The following CMBL variants were observed in gnomAD, a reference collection of about 807,000 sequenced individuals.
CMBL encodes the protein carboxymethylenebutenolidase homolog.
CMBL carries 17 observed loss-of-function variants against 28.7 expected under a neutral mutation model. The observed-to-expected ratio is 0.59, with a 90% CI of 0.41 to 0.89. The LOEUF (loss-of-function observed/expected upper bound fraction) is 0.89. CMBL is among the 40% of genes least tolerant of loss of function. The pLI, the probability that CMBL is intolerant of heterozygous loss-of-function variation, is 0.00. For missense variants in CMBL, 310 were observed against 298.5 expected (o/e 1.04, Z -0.28); for synonymous variants, 106 against 101.6 (o/e 1.04, Z -0.26).
rs1052504861 is a variant in CMBL at position 10,295,114 on chromosome 5, G to A, written c.-19-4333C>T. On this transcript the variant is annotated intron_variant, in intron 1 of 5. Transcript: ENST00000296658. ...TTTTTTTTTTTTGAGACAGAGACTC[G>A]CTCTGGTTGCCCAGGCTGGAGCGTA... Among the ~76,000 whole-genome samples, 151 of 149,504 alleles carry A rather than the reference G, an allele frequency of 1.0e-3. 1 individual carries two copies. The highest frequency in any genetic ancestry group is 1.9e-3 in the Non-Finnish European group (126 of 67,688).
chr5:10,295,844 TCA>T (rs1037322006), intron 1 of CMBL, among the ~76,000 whole-genome samples: 19 of 152,256 alleles, frequency 1.2e-4, no homozygotes, highest in Admixed American at 5.2e-4. Flanking sequence ...ATTTGAGCTC[TCA>T]CAGTGTAAAC....
chr5:10,297,184 CA>C (rs34069848), intron 1 of CMBL, among the ~76,000 whole-genome samples: 89,256 of 140,904 alleles, frequency 0.63, 28,388 homozygotes, highest in Non-Finnish European at 0.71. Flanking sequence ...GACTCCATCT[CA>C]AAAAAAAAAA....
intron 1 of CMBL, among the ~76,000 whole-genome samples, chr5:10,293,626 A>G (rs999212242): frequency 6.6e-6 from 1 of 152,264 alleles, no homozygotes; most frequent in Non-Finnish European, 1.5e-5. Flanking sequence ...TTAATTTACC[A>G]AACAACAAAA....
chr5:10,307,423 G>C (rs916318954), intron 1 of CMBL: 1 of 152,224 alleles, frequency 6.6e-6, no homozygotes, highest in Admixed American at 6.5e-5. Flanking sequence ...TGCTTCGGAC[G>C]CATGGGATCG....
intron 5 of CMBL, among the ~76,000 whole-genome samples, 162 bp from the exon 6 acceptor site, chr5:10,280,794 G>A (rs942186363): frequency 6.6e-6 from 1 of 152,060 alleles, no homozygotes. Flanking sequence ...TTTCTTTTTA[G>A]ACAGGGTCTC....
chr5:10,294,487 C>CT (rs1453800116), intron 1 of CMBL, among the ~76,000 whole-genome samples: 2 of 151,870 alleles, frequency 1.3e-5, no homozygotes, highest in Middle Eastern at 3.2e-3. Context: ...TCCCTTGAGC[C>CT]TGGGAGGTCG....
At chr5:10,300,791 CATTTTT>C (rs1226296311) in intron 1 of CMBL, among the ~76,000 whole-genome samples, 5 of 149,794 alleles carry the variant, frequency 3.3e-5, no homozygotes, top group African/African-American at 7.3e-5. Flanking sequence ...CAAAGAGAGA[CATTTTT>C]ATTTTTATTT....
intron 5 of CMBL, among the ~76,000 whole-genome samples, chr5:10,281,585 C>G (rs1444584766): frequency 2.6e-5 from 4 of 152,168 alleles, no homozygotes; most frequent in South Asian, 2.1e-4. Context: ...TTTAATAAAT[C>G]CTTGTCTTTA....
At chr5:10,285,670 GTCTT>G (rs1464722635) in intron 4 of CMBL, among the ~76,000 whole-genome samples, 7 of 83,426 alleles carry the variant, frequency 8.4e-5, no homozygotes, top group East Asian at 6.2e-4. Flanking sequence ...GGAAAAATCA[GTCTT>G]TCTTTCTTTC....
rs185147918 is a variant in CMBL, at chr5:10,282,115, G to A, written c.558+82C>T. On this transcript the variant is annotated intron_variant, in intron 5 of 5. Transcript: ENST00000296658. Reference sequence around the variant, plus strand: ...GTGGAGGTTGCAGTGAGCCGAGATCGCGCCACTGCATTCCAGCCTGGGCGA... The same window carrying A: ...GTGGAGGTTGCAGTGAGCCGAGATCACGCCACTGCATTCCAGCCTGGGCGA... 1.6e-3 allele frequency: 1,498 copies of A among 947,032 alleles called. 14 individuals are homozygous for A. The highest frequency in any genetic ancestry group is 9.7e-3 in the Middle Eastern group (32 of 3,312). The allele number at this position is 947,032 out of a possible 1,614,324, so 58.7% of individuals were successfully genotyped here.
chr5:10,283,301 C>G (rs1450430753), intron 4 of CMBL, among the ~76,000 whole-genome samples: 2 of 152,174 alleles, frequency 1.3e-5, no homozygotes, highest in Non-Finnish European at 2.9e-5. Flanking sequence ...GGATCAATGT[C>G]AAACCTTCGC....
chr5:10,302,545 C>T (rs1025805739), intron 1 of CMBL, among the ~76,000 whole-genome samples: 54 of 149,768 alleles, frequency 3.6e-4, no homozygotes, highest in East Asian at 7.8e-4. Context: ...GCTACTTGGG[C>T]GGCTGAGGCA....
At chr5:10,293,260 A>C (rs1338233167) in intron 1 of CMBL, among the ~76,000 whole-genome samples, 2 of 152,212 alleles carry the variant, frequency 1.3e-5, no homozygotes, top group Non-Finnish European at 2.9e-5. Flanking sequence ...AATACAGTAA[A>C]CTGGGTAGCT....
Position 10,290,538 on chromosome 5 carries a change from T to G in CMBL, c.215+10A>C, listed in dbSNP as rs1561063428. On this transcript the variant is annotated intron_variant, in intron 2 of 5. Coordinates refer to ENST00000296658, the MANE Select transcript of CMBL (RefSeq NM_138809.4). ...TGAATTTAAACAAAGAAACACAACT[T>G]TATACATACGTGTATCCATTTCCTG... 2 of 1,604,052 alleles carry G rather than the reference T, an allele frequency of 1.2e-6. No individual in the cohort carries two copies. Among genetic ancestry groups the G allele is most frequent in the South Asian group, 2.2e-5 (2 of 90,854 alleles).
chr5:10,282,297 C>G lies in CMBL; in HGVS notation c.467-9G>C. 6.5e-7 allele frequency: 1 copy of G among 1,536,380 alleles called. No individual in the cohort carries two copies. Reference sequence around the variant, plus strand: ...AGAATCCTTGACAATGCCTGAAAAACAAGCACAGAGGCATGATGTCTGATC... The same window carrying G: ...AGAATCCTTGACAATGCCTGAAAAAGAAGCACAGAGGCATGATGTCTGATC... On this transcript the variant is annotated splice_polypyrimidine_tract_variant and intron_variant, in intron 4 of 5. Coordinates refer to ENST00000296658, the MANE Select transcript of CMBL (RefSeq NM_138809.4).
chr5:10,291,691 A>G (rs1001793923), intron 1 of CMBL, among the ~76,000 whole-genome samples: 1 of 152,138 alleles, frequency 6.6e-6, no homozygotes, highest in Non-Finnish European at 1.5e-5. Flanking sequence ...AAGAAAAGAA[A>G]AAGAAAGCAA....
At chr5:10,285,393 T>C (rs11955221) in intron 4 of CMBL, among the ~76,000 whole-genome samples, 7,876 of 152,068 alleles carry the variant, frequency 0.052, 672 homozygotes, top group African/African-American at 0.18. Context: ...GGTCTCGAAC[T>C]ATTGACCTCA....
chr5:10,291,335 T>C (rs1018003845), intron 1 of CMBL, among the ~76,000 whole-genome samples: 14 of 151,958 alleles, frequency 9.2e-5, no homozygotes, highest in Non-Finnish European at 1.9e-4. Context: ...AAGAAACCCA[T>C]CTCCGTCTAG....
chr5:10,280,723 A>G, intron 5 of CMBL, 91 bp from the exon 6 acceptor site: 2 of 1,098,096 alleles, frequency 1.8e-6, no homozygotes, highest in Non-Finnish European at 2.6e-6. Flanking sequence ...GAAATTTAAC[A>G]TCAATGCTTT....
Sources: gnomAD v4.1 joint callset for allele counts (sites outside exome capture counted in the v4.1 genomes callset) on GRCh38, gnomAD v4.1.1 for gene constraint, MANE v1.5 for transcripts, NCBI Gene and HGNC (gene_info 2026-07-23, HGNC 2026-07-21) for gene names.